The following ZNF704 variants were observed in gnomAD, a reference collection of about 807,000 sequenced individuals.
ZNF704 encodes glucocorticoid induced gene 1.
Under a neutral mutation model 44.7 loss-of-function variants are expected in ZNF704, and 10 were observed. That is an observed-to-expected ratio of 0.22 (90% CI 0.14 to 0.38). The LOEUF is 0.38. Ranked by LOEUF, ZNF704 falls within the 10% of genes least tolerant of loss-of-function variation. ZNF704 has a pLI of 1.00. For synonymous variants in ZNF704, 211 were observed against 207.6 expected (o/e 1.02, Z -0.14); for missense variants, 390 against 545.5 (o/e 0.71, Z 2.84).
chr8:80,786,732 T>C (rs569263791), intron 2 of ZNF704, among the ~76,000 whole-genome samples: 73 of 152,276 alleles, frequency 4.8e-4, no homozygotes, highest in African/African-American at 1.8e-3. Context: ...CACCAATGGC[T>C]TGTCCTGGAT....
intron 2 of ZNF704, among the ~76,000 whole-genome samples, chr8:80,791,631 A>G (rs1056169610): frequency 6.6e-6 from 1 of 152,136 alleles, no homozygotes; most frequent in Non-Finnish European, 1.5e-5. Flanking sequence ...TACACAGCAA[A>G]ACACTTCCTT....
At chr8:80,836,200 C>T (rs1209683840) in intron 1 of ZNF704, among the ~76,000 whole-genome samples, 2 of 152,188 alleles carry the variant, frequency 1.3e-5, no homozygotes, top group Non-Finnish European at 2.9e-5. Flanking sequence ...CGCCTCTATC[C>T]GATTTGCTCC....
rs559412949 is a variant in ZNF704, at chr8:80,661,984, C to T, written c.928-2295G>A. ...ACACAGAAATGATAAATACACAAGG[C>T]GATTAATATTCAAAATACCCTGACT... On this transcript the variant is annotated intron_variant, in intron 6 of 8. Transcript: ENST00000327835. Among the ~76,000 whole-genome samples, 5 of 152,144 alleles carry T rather than the reference C, an allele frequency of 3.3e-5. No individual in the cohort carries two copies. The South Asian group carries it at 6.2e-4, about 19-fold the overall frequency.
chr8:80,842,461 G>A (rs1271294777), intron 1 of ZNF704, among the ~76,000 whole-genome samples: 1 of 152,100 alleles, frequency 6.6e-6, no homozygotes, highest in Non-Finnish European at 1.5e-5. Flanking sequence ...ATCTGACATG[G>A]GCCCCCTGTG....
At chr8:80,704,080 ATTC>A (rs1437854490) in intron 2 of ZNF704, among the ~76,000 whole-genome samples, 2 of 152,110 alleles carry the variant, frequency 1.3e-5, no homozygotes, top group Admixed American at 1.3e-4. Context: ...GTCTGTGATA[ATTC>A]TTCTATATTC....
Position 80,830,202 on chromosome 8 carries a change from T to C in ZNF704, c.-21-8587A>G, listed in dbSNP as rs534187464. 4.6e-5 allele frequency among the ~76,000 whole-genome samples: 7 copies of C among 152,034 alleles called. No homozygotes were observed. The South Asian group carries it at 1.5e-3, about 32-fold the overall frequency. On this transcript the variant is annotated intron_variant, in intron 1 of 8. Coordinates refer to ENST00000327835, the MANE Select transcript of ZNF704 (RefSeq NM_001033723.3). ...ATAGGGTGGTGGCTGGAGGGGATGA[T>C]GGACGAGAGAGAATTTTAAGACAGG...
chr8:80,654,220 C>T (rs1817970820), intron 7 of ZNF704, among the ~76,000 whole-genome samples: 1 of 152,108 alleles, frequency 6.6e-6, no homozygotes, highest in Non-Finnish European at 1.5e-5. Flanking sequence ...AATGTTAGAC[C>T]TAAAACCATA....
In ZNF704 at chr8:80,635,173, G is replaced by A. The variant is rs1585910446; in HGVS notation, c.*6193C>T. 6.6e-6 allele frequency: 1 copy of A among 152,250 alleles called. No individual in the cohort carries two copies. Among genetic ancestry groups the A allele is most frequent in the East Asian group, 1.9e-4 (1 of 5,184 alleles). The allele number at this position is 152,250 out of a possible 1,614,324, so 9.4% of individuals were successfully genotyped here. ...ATTACTAAAATCTTAGAAAGAAAAG[G>A]TGCTTTCTTGTTTTAACAGTGAGTG... On this transcript the variant is annotated 3_prime_UTR_variant, in exon 9 of 9. Transcript: ENST00000327835.
At chr8:80,715,096 G>A (rs559639436) in intron 2 of ZNF704, among the ~76,000 whole-genome samples, 66 of 152,274 alleles carry the variant, frequency 4.3e-4, no homozygotes, top group African/African-American at 1.5e-3. Context: ...ACTATACTCT[G>A]CATTCAGGTA....
chr8:80,766,988 T>C (rs961336106), intron 2 of ZNF704, among the ~76,000 whole-genome samples: 8 of 152,088 alleles, frequency 5.3e-5, no homozygotes, highest in African/African-American at 1.9e-4. Context: ...GCTGGGATTA[T>C]AGGCGTGAGC....
intron 2 of ZNF704, among the ~76,000 whole-genome samples, chr8:80,738,776 T>C (rs1197090901): frequency 1.3e-5 from 2 of 152,206 alleles, no homozygotes. Context: ...CCTGAGCACC[T>C]GGTACACAGG....
At chr8:80,666,725 G>A (rs1470548522) in intron 5 of ZNF704, among the ~76,000 whole-genome samples, 2 of 151,168 alleles carry the variant, frequency 1.3e-5, no homozygotes, top group Admixed American at 6.6e-5. Context: ...GTGATGATGA[G>A]CATTTTTTCA....
Position 80,665,085 on chromosome 8 carries a change from A to C in ZNF704, c.660-3T>G. ...TGTAGTCAGAGTCTCCAACGCGCCT[A>C]ATGCAAAAGAGAGTAAAACAATCAT... is the stretch of plus-strand genomic sequence containing the variant. On this transcript the variant is annotated splice_polypyrimidine_tract_variant and splice_region_variant and intron_variant, in intron 5 of 8. Transcript: ENST00000327835. 6.2e-7 allele frequency: 1 copy of C among 1,613,322 alleles called. No homozygotes were observed. Among genetic ancestry groups the C allele is most frequent in the Non-Finnish European group, 8.5e-7 (1 of 1,179,264 alleles).
chr8:80,642,362 T>G lies in ZNF704; in HGVS notation c.1127+673A>C, dbSNP rs141606818. Among the ~76,000 whole-genome samples the G allele has an allele frequency of 8.3e-3, 1,259 of 152,312 alleles. 7 individuals are homozygous for G. Among genetic ancestry groups the G allele is most frequent in the Middle Eastern group, 0.02 (6 of 294 alleles). ...TATCTGAATTCTAGCCTCACCACTCTTGCACTTTGGGTCCATTATTAAGTA... is the reference window on the plus strand; with the variant it reads ...TATCTGAATTCTAGCCTCACCACTCGTGCACTTTGGGTCCATTATTAAGTA... On this transcript the variant is annotated intron_variant, in intron 8 of 8. Coordinates refer to ENST00000327835, the MANE Select transcript of ZNF704 (RefSeq NM_001033723.3).
intron 2 of ZNF704, among the ~76,000 whole-genome samples, chr8:80,750,097 A>C (rs1478211235): frequency 6.6e-6 from 1 of 152,282 alleles, no homozygotes; most frequent in East Asian, 1.9e-4. Context: ...AAGTGGTATC[A>C]GGCCAGGAGT....
chr8:80,860,869 G>A (rs1338092268), intron 1 of ZNF704, among the ~76,000 whole-genome samples: 1 of 152,148 alleles, frequency 6.6e-6, no homozygotes, highest in African/African-American at 2.4e-5. Flanking sequence ...TTGTGTTTAT[G>A]TCAAACACTT....
At chr8:80,873,239 T>G (rs1457472448) in intron 1 of ZNF704, among the ~76,000 whole-genome samples, 1 of 152,042 alleles carries the variant, frequency 6.6e-6, no homozygotes, top group Non-Finnish European at 1.5e-5. Context: ...ATCACCCAAG[T>G]TCCCCACCTC....
chr8:80,647,588 CT>C (rs768427371), intron 7 of ZNF704, among the ~76,000 whole-genome samples: 4 of 152,162 alleles, frequency 2.6e-5, no homozygotes, highest in Non-Finnish European at 4.4e-5. Context: ...CAAAGACATA[CT>C]GGTGGTTTAG....
intron 2 of ZNF704, among the ~76,000 whole-genome samples, chr8:80,737,594 A>G (rs1310931499): frequency 1.3e-5 from 2 of 152,206 alleles, no homozygotes; most frequent in African/African-American, 4.8e-5. Context: ...TACTAAATAC[A>G]GCCTACTCAA....
Sources: allele counts gnomAD v4.1 joint callset (sites outside exome capture counted in the v4.1 genomes callset), GRCh38; gene constraint gnomAD v4.1.1; transcripts MANE v1.5; gene names NCBI Gene and HGNC (gene_info 2026-07-23, HGNC 2026-07-21).